MAP4K5: variants seen among roughly 807,000 people sequenced by gnomAD.
The protein encoded by MAP4K5 is MAPK/ERK kinase kinase kinase 5.
In MAP4K5, 82 loss-of-function variants were observed where a neutral mutation model predicts 135.6. The observed-to-expected ratio is 0.60, with a 90% CI of 0.51 to 0.73. The LOEUF is 0.73. MAP4K5 is among the 30% of genes least tolerant of loss of function. The pLI is 0.00. For missense variants in MAP4K5, 907 were observed against 1,010.9 expected, an observed-to-expected ratio of 0.90 and a Z score of 1.39; for synonymous variants, 347 against 335.0, an observed-to-expected ratio of 1.04 and a Z score of -0.39.
intron 2 of MAP4K5, among the ~76,000 whole-genome samples, chr14:50,514,912 T>C (rs1387720682): frequency 9.9e-5 from 15 of 151,918 alleles, no homozygotes; most frequent in Non-Finnish European, 1.9e-4. Context: ...TTATTCTTTT[T>C]TTTTTTTTTG....
At chr14:50,455,993 A>G (rs1167587823) in intron 14 of MAP4K5, among the ~76,000 whole-genome samples, 4 of 152,114 alleles carry the variant, frequency 2.6e-5, no homozygotes, top group Non-Finnish European at 4.4e-5. Flanking sequence ...CTTAGTGCTA[A>G]TCTGATTTTT....
At chr14:50,458,545 C>T (rs1389545350) in intron 13 of MAP4K5, among the ~76,000 whole-genome samples, 1 of 152,170 alleles carries the variant, frequency 6.6e-6, no homozygotes, top group Non-Finnish European at 1.5e-5. Context: ...CAAACACTAA[C>T]CACCTAAAGC....
At chr14:50,505,374 C>G (rs1448246323) in intron 2 of MAP4K5, among the ~76,000 whole-genome samples, 1 of 152,076 alleles carries the variant, frequency 6.6e-6, no homozygotes, top group Non-Finnish European at 1.5e-5. Flanking sequence ...TGATTTTCCA[C>G]TGACAGGATA....
intron 2 of MAP4K5, among the ~76,000 whole-genome samples, chr14:50,539,112 G>A (rs1390814470): frequency 1.3e-5 from 2 of 152,182 alleles, no homozygotes; most frequent in Non-Finnish European, 2.9e-5. Context: ...GGCTTTCTAG[G>A]ATGATATCAC....
chr14:50,500,235 T>C (rs1307435098), intron 3 of MAP4K5, among the ~76,000 whole-genome samples: 1 of 152,140 alleles, frequency 6.6e-6, no homozygotes, highest in African/African-American at 2.4e-5. Context: ...AAACACAATA[T>C]ATACACGTAT....
chr14:50,463,218 A>T (rs1457010294), intron 12 of MAP4K5, among the ~76,000 whole-genome samples: 1 of 152,196 alleles, frequency 6.6e-6, no homozygotes, highest in Non-Finnish European at 1.5e-5. Flanking sequence ...TATATAATTA[A>T]ATATTGGCAT....
At chr14:50,540,078 A>G (rs1406578763) in intron 2 of MAP4K5, among the ~76,000 whole-genome samples, 5 of 152,244 alleles carry the variant, frequency 3.3e-5, no homozygotes, top group African/African-American at 1.2e-4. Flanking sequence ...ATTAGAGATG[A>G]TGATTGGGAG....
chr14:50,529,686 T>G (rs1007243180), intron 2 of MAP4K5, among the ~76,000 whole-genome samples: 1 of 148,812 alleles, frequency 6.7e-6, no homozygotes, highest in Non-Finnish European at 1.5e-5. Flanking sequence ...AAGCAAAAAA[T>G]AGAGTAGGAA....
intron 6 of MAP4K5, among the ~76,000 whole-genome samples, chr14:50,478,385 A>AT (rs557786054): frequency 6.6e-6 from 1 of 150,456 alleles, no homozygotes; most frequent in African/African-American, 2.4e-5. Context: ...CTCTATTACT[A>AT]TTTTTTTTCC....
chr14:50,432,994 C>T (rs1344108443), intron 28 of MAP4K5, among the ~76,000 whole-genome samples: 3 of 152,086 alleles, frequency 2.0e-5, no homozygotes, highest in African/African-American at 4.8e-5. Context: ...TGCACCACCA[C>T]GCCCGGCTAA....
chr14:50,477,572 C>T (rs2037130437), intron 6 of MAP4K5, among the ~76,000 whole-genome samples: 1 of 152,106 alleles, frequency 6.6e-6, no homozygotes, highest in Non-Finnish European at 1.5e-5. Flanking sequence ...GAAAAAACAT[C>T]CCGTCTTTTA....
upstream of MAP4K5, among the ~76,000 whole-genome samples, chr14:50,533,590 T>C (rs1443206203): frequency 6.6e-6 from 1 of 152,166 alleles, no homozygotes; most frequent in Non-Finnish European, 1.5e-5. Context: ...TGTTACATTA[T>C]ACTGGCTAAG....
intron 1 of MAP4K5, among the ~76,000 whole-genome samples, chr14:50,545,991 G>A (rs2038626525): frequency 6.6e-6 from 1 of 152,140 alleles, no homozygotes; most frequent in Admixed American, 6.5e-5. Context: ...CTTTGAATCT[G>A]TTGTTATTAA....
intron 3 of MAP4K5, among the ~76,000 whole-genome samples, chr14:50,501,987 A>G (rs2037715798): frequency 6.6e-6 from 1 of 152,212 alleles, no homozygotes; most frequent in East Asian, 1.9e-4. Context: ...AAAATATAAC[A>G]TGAATTTTAT....
At chr14:50,492,068 A>G (rs1423806423) in intron 3 of MAP4K5, among the ~76,000 whole-genome samples, 4 of 152,202 alleles carry the variant, frequency 2.6e-5, no homozygotes, top group African/African-American at 9.7e-5. Context: ...ATTTCATCAA[A>G]TATCAACTGG....
At chr14:50,497,480 G>C (rs192079638) in intron 3 of MAP4K5, among the ~76,000 whole-genome samples, 3 of 152,158 alleles carry the variant, frequency 2.0e-5, no homozygotes, top group Non-Finnish European at 4.4e-5. Flanking sequence ...AGTCTGAAAA[G>C]AACATACCAC....
At position 50,505,591 on chromosome 14, in the gene MAP4K5, A is replaced by G. The variant is rs1237449895; in HGVS notation, c.109-734T>C. Among the ~76,000 whole-genome samples the G allele has an allele frequency of 2.6e-5, 4 of 152,208 alleles. No individual in the cohort carries two copies. The East Asian group carries it at 5.8e-4, about 22-fold the overall frequency. On this transcript the variant is annotated intron_variant, in intron 2 of 32. Transcript: ENST00000682126. The stretch of plus-strand genomic sequence containing the variant: ...AGCACTGCAATGAATATCATTACCA[A>G]TATTTTACCATAGATCAGCTTATAA...
chr14:50,502,899 C>T (rs1329424116), intron 3 of MAP4K5, among the ~76,000 whole-genome samples: 1 of 151,926 alleles, frequency 6.6e-6, no homozygotes, highest in Non-Finnish European at 1.5e-5. Context: ...TCTTTCATCC[C>T]TTAGAACAAA....
At chr14:50,551,925 G>A (rs2038707301) in intron 1 of MAP4K5, among the ~76,000 whole-genome samples, 1 of 152,078 alleles carries the variant, frequency 6.6e-6, no homozygotes, top group Non-Finnish European at 1.5e-5. Flanking sequence ...AGGAAAATTT[G>A]AAAGCATTCC....
Sources: gnomAD v4.1 joint callset for allele counts (sites outside exome capture counted in the v4.1 genomes callset) on GRCh38, gnomAD v4.1.1 for gene constraint, MANE v1.5 for transcripts, NCBI Gene and HGNC (gene_info 2026-07-23, HGNC 2026-07-21) for gene names.